Variants in TOPAZ1 observed in about 807,000 individuals in gnomAD.
The protein encoded by TOPAZ1 is protein TOPAZ1.
In TOPAZ1, 66 loss-of-function variants were observed where a neutral mutation model predicts 172.2. The observed-to-expected ratio is 0.38, with a 90% CI of 0.31 to 0.47. The LOEUF is 0.47. Ranked by LOEUF, TOPAZ1 falls within the 20% of genes least tolerant of loss-of-function variation. The pLI is 0.99. For missense variants in TOPAZ1, 1,822 were observed against 1,972.4 expected, an observed-to-expected ratio of 0.92 and a Z score of 1.44; for synonymous variants, 681 against 683.9, an observed-to-expected ratio of 1.00 and a Z score of 0.07.
At chr3:44,316,584 AT>A (rs1278229363) in intron 16 of TOPAZ1, among the ~76,000 whole-genome samples, 2 of 151,648 alleles carry the variant, frequency 1.3e-5, no homozygotes, top group Non-Finnish European at 2.9e-5. Context: ...TGTTTTTTGC[AT>A]TTTTTGTTTT....
chr3:44,284,065 T>G (rs1229078170), intron 9 of TOPAZ1, among the ~76,000 whole-genome samples: 1 of 152,174 alleles, frequency 6.6e-6, no homozygotes, highest in Non-Finnish European at 1.5e-5. Context: ...CCTCCTTTAA[T>G]CTAGAACATT....
At position 44,244,913 on chromosome 3, in the gene TOPAZ1, G is replaced by A. The variant is rs1239150303; in HGVS notation, c.2407G>A (p.Val803Ile). The change falls in exon 2 of 20, where the codon GTT becomes ATT. Residue 803 changes from valine (V) to isoleucine (I), a missense_variant. Transcript: ENST00000309765. ...TAATAAAGAAGTTGCTTCTCTCACAGTTGAAAATAATGCTTTTTCTTGTGA... is the reference window on the plus strand; with the variant it reads ...TAATAAAGAAGTTGCTTCTCTCACAATTGAAAATAATGCTTTTTCTTGTGA... ...VSNKEVASLT[V>I]ENNAFSCDPG... 1 of 1,551,656 alleles carries A rather than the reference G, an allele frequency of 6.4e-7. No individual in the cohort carries two copies. Among genetic ancestry groups the A allele is most frequent in the African/African-American group, 1.4e-5 (1 of 73,062 alleles).
intron 13 of TOPAZ1, among the ~76,000 whole-genome samples, chr3:44,304,794 A>C (rs1379794901): frequency 1.3e-5 from 2 of 152,238 alleles, no homozygotes; most frequent in East Asian, 3.8e-4. Flanking sequence ...ATGCATTGCC[A>C]TGGAGACAGT....
intron 18 of TOPAZ1, among the ~76,000 whole-genome samples, chr3:44,323,719 A>G (rs1489623937): frequency 6.6e-6 from 1 of 152,214 alleles, no homozygotes; most frequent in African/African-American, 2.4e-5. Flanking sequence ...TCACATCAGA[A>G]GCATAAAGGC....
intron 19 of TOPAZ1, among the ~76,000 whole-genome samples, chr3:44,329,796 C>A (rs1423433579): frequency 1.3e-5 from 2 of 152,204 alleles, no homozygotes; most frequent in Non-Finnish European, 2.9e-5. Context: ...GCTTAGGAAA[C>A]CCAAATATTT....
intron 16 of TOPAZ1, among the ~76,000 whole-genome samples, 189 bp downstream of exon 16, chr3:44,310,179 T>C (rs1700382838): frequency 6.6e-6 from 1 of 152,150 alleles, no homozygotes; most frequent in Admixed American, 6.6e-5. Flanking sequence ...AAGAAGAAAT[T>C]ATATAAGCCT....
intron 15 of TOPAZ1, 52 bp from the exon 16 acceptor site, chr3:44,309,773 G>A (rs1700377848): frequency 1.6e-6 from 2 of 1,252,924 alleles, no homozygotes; most frequent in Non-Finnish European, 2.2e-6. Flanking sequence ...CAGTGGCTTT[G>A]TGTGTTTGTA....
At chr3:44,333,326 A>G (rs1184371242), downstream of TOPAZ1, among the ~76,000 whole-genome samples, 1 of 152,164 alleles carries the variant, frequency 6.6e-6, no homozygotes, top group African/African-American at 2.4e-5. Context: ...AAGGATACCC[A>G]GTTCTTTAGT....
chr3:44,264,774 T>C (rs548623190), intron 5 of TOPAZ1, among the ~76,000 whole-genome samples: 2 of 152,376 alleles, frequency 1.3e-5, no homozygotes, highest in African/African-American at 4.8e-5. Flanking sequence ...CTGAATACTT[T>C]GTCACTTAAA....
rs529003887 is a variant in TOPAZ1, at chr3:44,283,341, A to G, written c.3436+1310A>G. Among the ~76,000 whole-genome samples the G allele has an allele frequency of 3.3e-5, 5 of 152,298 alleles. No individual in the cohort carries two copies. In the South Asian group the frequency reaches 1.0e-3, roughly 32 times the overall value. Reference sequence around the variant, plus strand: ...GAGGGGTTTAGTGTTTAGAAAGACCATAGGATTTGAGACAAGAGGAATCAC... The same window carrying G: ...GAGGGGTTTAGTGTTTAGAAAGACCGTAGGATTTGAGACAAGAGGAATCAC... On this transcript the variant is annotated intron_variant, in intron 9 of 19. Coordinates refer to ENST00000309765, the MANE Select transcript of TOPAZ1 (RefSeq NM_001145030.2).
chr3:44,249,892 A>G (rs1699610048), intron 2 of TOPAZ1, among the ~76,000 whole-genome samples: 1 of 152,204 alleles, frequency 6.6e-6, no homozygotes, highest in South Asian at 2.1e-4. Flanking sequence ...TTAGGCACAA[A>G]AATTTGAATT....
chr3:44,284,361 T>G (rs1476480005), intron 9 of TOPAZ1, among the ~76,000 whole-genome samples: 3 of 152,226 alleles, frequency 2.0e-5, no homozygotes, highest in Non-Finnish European at 4.4e-5. Context: ...ATAAGTAAAA[T>G]TATACAATAT....
chr3:44,270,757 T>G lies in TOPAZ1; in HGVS notation c.3319T>G (p.Cys1107Gly). ...CKFHFNTLRG[C>G]ERPLCKFAHV... The stretch of plus-strand genomic sequence containing the variant: ...ATTTCATTTTAATACATTACGTGGC[T>G]GTGAGCGACCACTGTGCAAGTTTGC... Residue 1107 changes from cysteine to glycine, a missense_variant, in exon 8 of 20, where the codon TGT (cysteine) becomes GGT (glycine). This residue lies in a region of TOPAZ1 where 1,489 missense variants were observed against 1,490.8 expected (regional missense o/e 1.00). Coordinates refer to ENST00000309765, the MANE Select transcript of TOPAZ1 (RefSeq NM_001145030.2). The G allele has an allele frequency of 6.4e-7, 1 of 1,551,184 alleles. No homozygotes were observed. The highest frequency in any genetic ancestry group is 8.7e-7 in the Non-Finnish European group (1 of 1,146,636).
chr3:44,332,997 T>G (rs12493837), downstream of TOPAZ1, among the ~76,000 whole-genome samples: 1,018 of 151,514 alleles, frequency 6.7e-3, 32 homozygotes, highest in Admixed American at 0.061. Flanking sequence ...TTTGTGGTTT[T>G]TTTTTTTTTT....
chr3:44,278,647 G>A (rs907919684), intron 8 of TOPAZ1, among the ~76,000 whole-genome samples: 11 of 151,908 alleles, frequency 7.2e-5, no homozygotes, highest in African/African-American at 9.7e-5. Flanking sequence ...GTTCATAATC[G>A]TCTCTGATGA....
chr3:44,293,853 C>T (rs1209005373), intron 12 of TOPAZ1, among the ~76,000 whole-genome samples: 2 of 152,262 alleles, frequency 1.3e-5, no homozygotes, highest in East Asian at 1.9e-4. Flanking sequence ...ATCATATAGC[C>T]TAGGTGATTA....
At chr3:44,256,702 G>A (rs893169550) in intron 4 of TOPAZ1, among the ~76,000 whole-genome samples, 2 of 152,058 alleles carry the variant, frequency 1.3e-5, no homozygotes, top group African/African-American at 4.8e-5. Context: ...AGGGAAGGGG[G>A]ATTATATATT....
intron 8 of TOPAZ1, among the ~76,000 whole-genome samples, chr3:44,273,033 G>GGA (rs1399607424): frequency 1.3e-5 from 2 of 152,038 alleles, no homozygotes; most frequent in African/African-American, 4.8e-5. Context: ...CTCTAATGAG[G>GGA]GACTTACCAC....
At chr3:44,254,627 CAAAAAAAAAA>C (rs10579109) in intron 2 of TOPAZ1, among the ~76,000 whole-genome samples, 2 of 83,206 alleles carry the variant, frequency 2.4e-5, no homozygotes, top group South Asian at 4.3e-4. Flanking sequence ...AACTCCGTCT[CAAAAAAAAAA>C]AAAAAAAAAA....
Sources: gnomAD v4.1 joint callset for allele counts (sites outside exome capture counted in the v4.1 genomes callset) on GRCh38, gnomAD v4.1.1 for gene constraint, gnomAD v4.1.1 regional missense constraint, MANE v1.5 for transcripts, NCBI Gene and HGNC (gene_info 2026-07-23, HGNC 2026-07-21) for gene names.